The following IL18 variants were observed in gnomAD, a reference collection of about 807,000 sequenced individuals.
IL18 encodes the protein interleukin-18.
IL18 carries 8 observed loss-of-function variants against 14.2 expected under a neutral mutation model. The ratio of observed to expected loss-of-function variants is 0.56; its 90% confidence interval spans 0.33 to 1.01. The LOEUF (loss-of-function observed/expected upper bound fraction) is 1.01. Among genes scored for constraint, IL18 ranks in the 50% least tolerant of loss-of-function variants. The pLI, the probability that IL18 is intolerant of heterozygous loss-of-function variation, is 0.03. For synonymous variants in IL18, 67 were observed against 71.0 expected (o/e 0.94, Z 0.28); for missense variants, 166 against 231.1 (o/e 0.72, Z 1.83).
At chr11:112,144,451 T>C (rs1866301940) in intron 5 of IL18, among the ~76,000 whole-genome samples, 1 of 152,202 alleles carries the variant, frequency 6.6e-6, no homozygotes, top group South Asian at 2.1e-4. Flanking sequence ...CTCACTTTGT[T>C]GCCTAGGCTG....
intron 1 of IL18, among the ~76,000 whole-genome samples, chr11:112,160,703 C>G (rs1446190829): frequency 6.6e-6 from 1 of 152,052 alleles, no homozygotes; most frequent in Non-Finnish European, 1.5e-5. Context: ...TATATTTTTT[C>G]TATCTTAAAC....
chr11:112,155,712 G>T (rs1046072635), intron 1 of IL18, among the ~76,000 whole-genome samples: 1 of 152,074 alleles, frequency 6.6e-6, no homozygotes, highest in African/African-American at 2.4e-5. Flanking sequence ...TACAGGATTT[G>T]AAAAAAATTT....
intron 2 of IL18, among the ~76,000 whole-genome samples, chr11:112,154,058 C>T (rs1396097133): frequency 6.6e-6 from 1 of 151,874 alleles, no homozygotes; most frequent in Admixed American, 6.6e-5. Flanking sequence ...TTCCTAGGCT[C>T]AAGTGATCCT....
Position 112,155,005 on chromosome 11 carries a change from T to G in IL18, c.49A>C (p.Lys17Gln), listed in dbSNP as rs1317762487. 7 of 1,612,746 alleles carry G rather than the reference T, an allele frequency of 4.3e-6. No homozygotes were observed. Among genetic ancestry groups the G allele is most frequent in the Non-Finnish European group, 5.9e-6 (7 of 1,178,828 alleles). The change falls in exon 2 of 6, where the codon AAA becomes CAA. Residue 17 changes from lysine (K) to glutamine (Q), a missense_variant. Transcript: ENST00000280357. Reference sequence around the variant, plus strand: ...AAGTAAAGCGTATTGTCAATAAATTTCATTGCCACAAAGTTGATGCAATTG... The same window carrying G: ...AAGTAAAGCGTATTGTCAATAAATTGCATTGCCACAAAGTTGATGCAATTG... ...EDNCINFVAM[K>Q]FIDNTLYFIA...
At chr11:112,159,959 G>T (rs532161773) in intron 1 of IL18, among the ~76,000 whole-genome samples, 1 of 152,252 alleles carries the variant, frequency 6.6e-6, no homozygotes, top group Admixed American at 6.5e-5. Context: ...TTATATACAT[G>T]TACAAATTTT....
At chr11:112,159,181 T>A (rs1866585924) in intron 1 of IL18, among the ~76,000 whole-genome samples, 1 of 152,042 alleles carries the variant, frequency 6.6e-6, no homozygotes, top group African/African-American at 2.4e-5. Flanking sequence ...GGTGAAACCC[T>A]GTCTCTACTG....
chr11:112,147,883 C>G (rs1391559995), intron 5 of IL18, among the ~76,000 whole-genome samples: 1 of 152,144 alleles, frequency 6.6e-6, no homozygotes, highest in East Asian at 1.9e-4. Context: ...CCTGGCTACT[C>G]TTACTGGCTC....
chr11:112,159,788 G>A (rs182113932), intron 1 of IL18, among the ~76,000 whole-genome samples: 2 of 152,282 alleles, frequency 1.3e-5, no homozygotes, highest in East Asian at 3.9e-4. Flanking sequence ...GGCAACCGTA[G>A]AACAGTTTGG....
intron 1 of IL18, among the ~76,000 whole-genome samples, chr11:112,162,836 A>G (rs578034966): frequency 4.9e-4 from 74 of 152,292 alleles, no homozygotes; most frequent in African/African-American, 1.6e-3. Flanking sequence ...TTTTTTTGAG[A>G]AAGTCTCGCT....
intron 1 of IL18, among the ~76,000 whole-genome samples, chr11:112,158,649 GTTAT>G (rs1866576892): frequency 1.3e-5 from 2 of 150,016 alleles, no homozygotes; most frequent in East Asian, 2.0e-4. Flanking sequence ...GAACTTCTGA[GTTAT>G]TTAAAGTCTA....
chr11:112,163,571 T>TA (rs1168413487), intron 1 of IL18, among the ~76,000 whole-genome samples: 2 of 150,700 alleles, frequency 1.3e-5, no homozygotes, highest in Non-Finnish European at 3.0e-5. Flanking sequence ...CTTGTAAAAA[T>TA]AAAAAAGTGT....
At position 112,148,596 on chromosome 11, in the gene IL18, G is replaced by C. The variant is rs1866381322; in HGVS notation, c.360+7C>G. The C allele has an allele frequency of 6.9e-7, 1 of 1,452,802 alleles. No individual in the cohort carries two copies. The highest frequency in any genetic ancestry group is 9.2e-7 in the Non-Finnish European group (1 of 1,081,338). 90.0% of individuals were successfully genotyped at this position (1,452,802 alleles called of 1,614,324 possible). On this transcript the variant is annotated splice_region_variant and intron_variant, in intron 5 of 5. Coordinates refer to ENST00000280357, the MANE Select transcript of IL18 (RefSeq NM_001562.4). Reference sequence around the variant, plus strand: ...ATGATTGAAAACAAAGTAAGGCTCAGTCTTACCTTAAAGGAAATAATTTTG... The same window carrying C: ...ATGATTGAAAACAAAGTAAGGCTCACTCTTACCTTAAAGGAAATAATTTTG...
At chr11:112,162,544 C>T (rs1465156537) in intron 1 of IL18, among the ~76,000 whole-genome samples, 2 of 151,908 alleles carry the variant, frequency 1.3e-5, no homozygotes, top group East Asian at 3.9e-4. Flanking sequence ...GGGTTTTTGC[C>T]ATGTTGCCCA....
rs74938814 is a variant in IL18 at position 112,156,484 on chromosome 11, G to A, written c.-8-1423C>T. Among the ~76,000 whole-genome samples the A allele has an allele frequency of 6.3e-4, 95 of 151,682 alleles. 1 individual carries two copies. The East Asian group carries it at 0.016, about 25-fold the overall frequency. ...CTCACTCTGTCACCCAGGTTGGAGT[G>A]CAGTGGCACGATCTCAGCTCACTGC... On this transcript the variant is annotated intron_variant, in intron 1 of 5. Transcript: ENST00000280357.
intron 4 of IL18, among the ~76,000 whole-genome samples, 155 bp downstream of exon 4, chr11:112,149,917 C>T (rs1237967625): frequency 1.3e-5 from 2 of 152,150 alleles, no homozygotes; most frequent in African/African-American, 2.4e-5. Context: ...AACTAAAAAA[C>T]GTGGATGCCT....
rs200850775 is a variant in IL18 at position 112,143,698 on chromosome 11, A to G, written c.480T>C (p.Phe160=). 6.2e-7 allele frequency: 1 copy of G among 1,612,724 alleles called. No homozygotes were observed. The highest frequency in any genetic ancestry group is 8.5e-7 in the Non-Finnish European group (1 of 1,178,796). The part of the protein sequence containing the change: ...QFESSSYEGY[F]LACEKERDLF... ...GGTCTCTCTCTTTTTCACAAGCTAG[A>G]AAGTATCCTTCGTATGATGAAGATT... is the stretch of plus-strand genomic sequence containing the variant. Residue 160 remains phenylalanine (F), a synonymous_variant, in exon 6 of 6, where the codon TTT becomes TTC. Transcript: ENST00000280357.
At chr11:112,161,117 C>T (rs902082472) in intron 1 of IL18, among the ~76,000 whole-genome samples, 2 of 151,898 alleles carry the variant, frequency 1.3e-5, no homozygotes, top group Non-Finnish European at 2.9e-5. Context: ...CAGAAAGATC[C>T]TCCCAGGAGT....
chr11:112,158,974 G>GAA (rs370658794), intron 1 of IL18, among the ~76,000 whole-genome samples: 7 of 149,550 alleles, frequency 4.7e-5, no homozygotes, highest in African/African-American at 1.5e-4. Flanking sequence ...GTTTTTTCCT[G>GAA]AAAAAAAAAA....
At chr11:112,155,580 C>A (rs993417889) in intron 1 of IL18, among the ~76,000 whole-genome samples, 2 of 152,130 alleles carry the variant, frequency 1.3e-5, no homozygotes, top group African/African-American at 4.8e-5. Context: ...GGCTGAAGGG[C>A]TCTGGCATTT....
Sources: gnomAD v4.1 joint callset for allele counts (sites outside exome capture counted in the v4.1 genomes callset) on GRCh38, gnomAD v4.1.1 for gene constraint, MANE v1.5 for transcripts, NCBI Gene and HGNC (gene_info 2026-07-23, HGNC 2026-07-21) for gene names.